Variants in UNKL observed in about 807,000 individuals in gnomAD.
The protein encoded by UNKL is unk like zinc finger, also known as putative E3 ubiquitin-protein ligase UNKL.
Under a neutral mutation model 78.0 loss-of-function variants are expected in UNKL, and 60 were observed. The ratio of observed to expected loss-of-function variants is 0.77; its 90% confidence interval spans 0.63 to 0.95. The LOEUF (loss-of-function observed/expected upper bound fraction) is 0.95. Among genes scored for constraint, UNKL ranks in the 40% least tolerant of loss-of-function variants. The pLI is 0.00. For synonymous variants in UNKL, 608 were observed against 474.8 expected (o/e 1.28, Z -3.65); for missense variants, 1,159 against 1,045.7 (o/e 1.11, Z -1.49).
intron 11 of UNKL, among the ~76,000 whole-genome samples, chr16:1,370,897 C>T (rs1301656597): frequency 6.6e-6 from 1 of 152,152 alleles, no homozygotes; most frequent in East Asian, 1.9e-4. Flanking sequence ...TCCTGGCTAA[C>T]ATGGTGAAAC....
Position 1,365,760 on chromosome 16 carries a change from G to A in UNKL, c.*480C>T, listed in dbSNP as rs1013398385. 4 of 153,022 alleles carry A rather than the reference G, an allele frequency of 2.6e-5. No individual in the cohort carries two copies. The highest frequency in any genetic ancestry group is 7.3e-5 in the African/African-American group (3 of 41,378). The allele number at this position is 153,022 out of a possible 1,614,324, so 9.5% of individuals were successfully genotyped here. A position where few individuals can be genotyped will look rare whatever the true frequency, so the allele number is the denominator to read the frequency against. ...CTGATATGAAATATTTAAGTTCACA[G>A]TACACATATAAAGCTTCATATTATC... On this transcript the variant is annotated 3_prime_UTR_variant, in exon 15 of 15. Coordinates refer to ENST00000389221, the MANE Select transcript of UNKL (RefSeq NM_001372107.1).
chr16:1,393,040 T>G (rs1410728954), intron 7 of UNKL, 64 bp from the exon 8 acceptor site: 4 of 1,486,704 alleles, frequency 2.7e-6, no homozygotes, highest in Non-Finnish European at 3.7e-6. Flanking sequence ...CACGCAGAAG[T>G]CTCCGCACCA....
At chr16:1,393,785 G>C (rs932222500) in intron 7 of UNKL, among the ~76,000 whole-genome samples, 2 of 152,222 alleles carry the variant, frequency 1.3e-5, no homozygotes, top group African/African-American at 4.8e-5. Flanking sequence ...GTGGGTGGCA[G>C]AAGGACCCAG....
Position 1,383,751 on chromosome 16 carries a change from G to A in UNKL, c.1264+1457C>T, listed in dbSNP as rs1013611681. 13 of 420,884 alleles carry A rather than the reference G, an allele frequency of 3.1e-5. No homozygotes were observed. The East Asian group carries it at 9.5e-4, about 31-fold the overall frequency. 26.1% of individuals were successfully genotyped at this position (420,884 alleles called of 1,614,324 possible). Reference sequence around the variant, plus strand: ...TGGCCGCCGGGCCGCCGCCCACATTGACGCGGGTCCTGATGGTGCTGGGGT... The same window carrying A: ...TGGCCGCCGGGCCGCCGCCCACATTAACGCGGGTCCTGATGGTGCTGGGGT... On this transcript the variant is annotated intron_variant, in intron 10 of 14. Transcript: ENST00000389221.
chr16:1,370,320 G>C lies in UNKL; in HGVS notation c.1395C>G (p.Ile465Met). ...RSLAGSAPVA[I>M]PGSLPRAPSL... Reference sequence around the variant, plus strand: ...ATGGTGCTCTGGGCAGGGAGCCGGGGATGGCGACAGGTGCAGAGCCGGCCA... The same window carrying C: ...ATGGTGCTCTGGGCAGGGAGCCGGGCATGGCGACAGGTGCAGAGCCGGCCA... The change falls in exon 12 of 15, where the codon ATC becomes ATG. Residue 465 changes from isoleucine to methionine, a missense_variant. Physicochemically the swap from Ile to Met is conservative, Grantham distance 10. Transcript: ENST00000389221. 6.5e-7 allele frequency: 1 copy of C among 1,533,250 alleles called. No individual in the cohort carries two copies. The highest frequency in any genetic ancestry group is 8.7e-7 in the Non-Finnish European group (1 of 1,145,918). 95.0% of individuals were successfully genotyped at this position (1,533,250 alleles called of 1,614,324 possible). A position where few individuals can be genotyped will look rare whatever the true frequency, so the allele number is the denominator to read the frequency against.
At chr16:1,400,711 G>A (rs571114496) in intron 4 of UNKL, among the ~76,000 whole-genome samples, 1 of 151,022 alleles carries the variant, frequency 6.6e-6, no homozygotes, top group Non-Finnish European at 1.5e-5. Flanking sequence ...TTTTTGAAAC[G>A]GAGTCTCACT....
intron 2 of UNKL, chr16:1,406,122 G>A (rs1373210900): frequency 2.2e-6 from 1 of 450,198 alleles, no homozygotes; most frequent in African/African-American, 2.0e-5. Flanking sequence ...TCCAGCTTAA[G>A]GACGCAGGCA....
In UNKL at chr16:1,367,147, G is replaced by A. The variant is rs755379399; in HGVS notation, c.1991C>T (p.Pro664Leu). The change falls in exon 14 of 15, where the codon CCG becomes CTG. Residue 664 changes from proline (P) to leucine (L), a missense_variant. Coordinates refer to ENST00000389221, the MANE Select transcript of UNKL (RefSeq NM_001372107.1). ...CTGACTCTGCAGCGAGTGCAGCTTC[G>A]GCAGGGGAATGGTGCCGATGTCCCC... ...GCGDIGTIPL[P>L]KLHSLQSQLR... is the part of the protein sequence containing the mutation. The A allele has an allele frequency of 9.4e-6, 15 of 1,600,772 alleles. No homozygotes were observed. Among genetic ancestry groups the A allele is most frequent in the Admixed American group, 5.1e-5 (3 of 58,936 alleles).
chr16:1,386,469 G>T (rs1034250772), intron 9 of UNKL, among the ~76,000 whole-genome samples: 2 of 152,132 alleles, frequency 1.3e-5, no homozygotes, highest in African/African-American at 4.8e-5. Flanking sequence ...TAGGAGAATT[G>T]CTTGAATCCG....
At chr16:1,386,207 G>C (rs1367620150) in intron 9 of UNKL, among the ~76,000 whole-genome samples, 1 of 152,140 alleles carries the variant, frequency 6.6e-6, no homozygotes, top group Non-Finnish European at 1.5e-5. Flanking sequence ...TCAGGAGTTC[G>C]AGACCAGCCT....
intron 5 of UNKL, chr16:1,398,681 A>AGC: frequency 3.9e-5 from 27 of 694,268 alleles, no homozygotes; most frequent in Non-Finnish European, 5.2e-5. Flanking sequence ...TGGGGTCTGC[A>AGC]CCCCCCCACC....
rs543718503 is a variant in UNKL, at chr16:1,374,483, G to T, written c.1265-2872C>A. Among the ~76,000 whole-genome samples, 148 of 152,220 alleles carry T rather than the reference G, an allele frequency of 9.7e-4. 2 individuals carry two copies. In the South Asian group the frequency reaches 0.021, roughly 22 times the overall value. On this transcript the variant is annotated intron_variant, in intron 10 of 14. Transcript: ENST00000389221. The stretch of plus-strand genomic sequence containing the variant: ...GGTCCCTCCATGGCCCCAGGCAACC[G>T]CACCCCGGGGAAACCTGTCAGACCC...
chr16:1,412,036 T>G (rs2038063214), intron 2 of UNKL: 1 of 152,026 alleles, frequency 6.6e-6, no homozygotes, highest in Non-Finnish European at 1.5e-5. Flanking sequence ...TTCCAAAAGA[T>G]CAGGGGATGA....
chr16:1,390,506 A>G, intron 9 of UNKL, 126 bp downstream of exon 9: 2 of 972,778 alleles, frequency 2.1e-6, no homozygotes, highest in Non-Finnish European at 2.9e-6. Context: ...GCGAGCCGAG[A>G]GTGGGCGGGA....
chr16:1,403,051 T>C lies in UNKL; in HGVS notation c.464+117A>G. On this transcript the variant is annotated intron_variant, in intron 3 of 14. Transcript: ENST00000389221. This position sits in a 1 kb window ranked among gnomAD's most constrained non-coding sequence, Gnocchi z 4.8. ...AGAAAGAAATTCTGGAGGAGAGAGA[T>C]TTGGGCCAGCAGAGCCTGCAGCAGC... 1 of 1,265,896 alleles carries C rather than the reference T, an allele frequency of 7.9e-7. No homozygotes were observed. Among genetic ancestry groups the C allele is most frequent in the South Asian group, 1.6e-5 (1 of 64,166 alleles). The allele number at this position is 1,265,896 out of a possible 1,614,324, so 78.4% of individuals were successfully genotyped here. A position where few individuals can be genotyped will look rare whatever the true frequency, so the allele number is the denominator to read the frequency against.
At chr16:1,367,617 T>G in intron 13 of UNKL, 39 bp downstream of exon 13, 5 of 1,146,098 alleles carry the variant, frequency 4.4e-6, no homozygotes, top group Non-Finnish European at 5.8e-6. Context: ...CCTGCGGCCC[T>G]CCCTCCCCCT....
At chr16:1,395,024 T>C (rs1157210817) in intron 6 of UNKL, among the ~76,000 whole-genome samples, 1 of 152,168 alleles carries the variant, frequency 6.6e-6, no homozygotes, top group African/African-American at 2.4e-5. Context: ...ATTACAAGCA[T>C]GTGCCACCAC....
At position 1,414,597 on chromosome 16, in the gene UNKL, G is replaced by A; in HGVS notation, c.77+18C>T. 9.7e-7 allele frequency: 1 copy of A among 1,033,584 alleles called. No homozygotes were observed. Among genetic ancestry groups the A allele is most frequent in the Non-Finnish European group, 1.2e-6 (1 of 856,990 alleles). 64.0% of individuals were successfully genotyped at this position (1,033,584 alleles called of 1,614,324 possible). A position where few individuals can be genotyped will look rare whatever the true frequency, so the allele number is the denominator to read the frequency against. On this transcript the variant is annotated intron_variant, in intron 1 of 14. Transcript: ENST00000389221. ...CACCGGGCGCGGGCGGGGGGCCGCA[G>A]GCCGGACGGGCGCTGACCTGTAGTG... is the stretch of plus-strand genomic sequence containing the variant.
chr16:1,413,109 A>T (rs2038115104), intron 2 of UNKL, among the ~76,000 whole-genome samples: 1 of 151,970 alleles, frequency 6.6e-6, no homozygotes, highest in African/African-American at 2.4e-5. Context: ...ATTAGCTGGC[A>T]TGGCATGAGC....
Sources: allele counts gnomAD v4.1 joint callset (sites outside exome capture counted in the v4.1 genomes callset), GRCh38; gene constraint gnomAD v4.1.1; non-coding constraint Gnocchi (gnomAD v3.1); transcripts MANE v1.5; gene names NCBI Gene and HGNC (gene_info 2026-07-23, HGNC 2026-07-21).